The following CAB39 variants were observed in gnomAD, a reference collection of about 807,000 sequenced individuals.
CAB39 encodes the protein calcium-binding protein 39.
Under a neutral mutation model 40.0 loss-of-function variants are expected in CAB39, and 8 were observed. The ratio of observed to expected loss-of-function variants is 0.20; its 90% CI spans 0.12 to 0.36. The LOEUF (loss-of-function observed/expected upper bound fraction) is 0.36. Among genes scored for constraint, CAB39 ranks in the 10% least tolerant of loss-of-function variants. The pLI, the probability that CAB39 is intolerant of heterozygous loss-of-function variation, is 1.00. For synonymous variants in CAB39, 156 were observed against 141.6 expected (o/e 1.10, Z -0.72); for missense variants, 270 against 401.1 (o/e 0.67, Z 2.79).
At chr2:230,773,084 G>A (rs1695516634) in intron 2 of CAB39, among the ~76,000 whole-genome samples, 1 of 151,062 alleles carries the variant, frequency 6.6e-6, no homozygotes, top group African/African-American at 2.4e-5. Context: ...AGAGCACATA[G>A]TATATGATTC....
At chr2:230,790,840 C>A in intron 2 of CAB39, 32 bp from the exon 3 acceptor site, 1 of 1,562,720 alleles carries the variant, frequency 6.4e-7, no homozygotes, top group Non-Finnish European at 8.7e-7. Flanking sequence ...ATTGTTTTTT[C>A]TCCTCTTCCC....
intron 1 of CAB39, among the ~76,000 whole-genome samples, chr2:230,743,684 C>T (rs1694922846): frequency 6.6e-6 from 1 of 152,076 alleles, no homozygotes; most frequent in Non-Finnish European, 1.5e-5. Flanking sequence ...GAAGAGTACT[C>T]GCTTTGATGG....
At position 230,818,644 on chromosome 2, in the gene CAB39, G is replaced by C; in HGVS notation, c.966G>C (p.Glu322Asp). ...DRTEDEQFND[E>D]KTYLVKQIRD... ...CGGAGGATGAGCAGTTTAACGACGA[G>C]AAGACCTATTTAGTTAAACAGATCA... Residue 322 changes from glutamate to aspartate, a missense_variant, in exon 9 of 9, where the codon GAG becomes GAC. Coordinates refer to ENST00000258418, the MANE Select transcript of CAB39 (RefSeq NM_016289.4). 6.2e-7 allele frequency: 1 copy of C among 1,614,138 alleles called. No homozygotes were observed.
intron 6 of CAB39, among the ~76,000 whole-genome samples, chr2:230,811,622 C>T (rs748769025): frequency 6.6e-6 from 1 of 152,180 alleles, no homozygotes; most frequent in Non-Finnish European, 1.5e-5. Context: ...CCTTCATGCA[C>T]CCTCTGTGCC....
intron 1 of CAB39, among the ~76,000 whole-genome samples, chr2:230,753,300 G>A (rs989449973): frequency 1.2e-4 from 19 of 152,006 alleles, no homozygotes; most frequent in African/African-American, 4.6e-4. Flanking sequence ...CACCACTTTG[G>A]GATTCAAGTA....
chr2:230,737,597 C>T (rs1435351724), intron 1 of CAB39, among the ~76,000 whole-genome samples: 1 of 152,130 alleles, frequency 6.6e-6, no homozygotes, highest in Non-Finnish European at 1.5e-5. Context: ...TTTGTTTAGT[C>T]CTCACATTAA....
intron 1 of CAB39, among the ~76,000 whole-genome samples, chr2:230,739,356 G>A (rs1328652107): frequency 6.6e-6 from 1 of 152,178 alleles, no homozygotes; most frequent in Non-Finnish European, 1.5e-5. Flanking sequence ...ATTTGTTAGG[G>A]TATCTGTGAA....
chr2:230,817,797 T>C lies in CAB39; in HGVS notation c.737T>C (p.Met246Thr), dbSNP rs1196616191. ...LLLDRHNFTI[M>T]TKYISKPENL... Reference sequence around the variant, plus strand: ...CTAGATAGACACAACTTCACAATTATGACAAAATACATCAGTAAACCTGAG... The same window carrying C: ...CTAGATAGACACAACTTCACAATTACGACAAAATACATCAGTAAACCTGAG... The change falls in exon 8 of 9, where the codon ATG (methionine) becomes ACG (threonine). Residue 246 changes from methionine to threonine, a missense_variant. Physicochemically the swap from Met to Thr is moderately conservative, Grantham distance 81 (BLOSUM62 -1). Transcript: ENST00000258418. 7 of 1,612,482 alleles carry C rather than the reference T, an allele frequency of 4.3e-6. No individual in the cohort carries two copies. Among genetic ancestry groups the C allele is most frequent in the Non-Finnish European group, 5.9e-6 (7 of 1,178,970 alleles).
In CAB39 at chr2:230,818,345, A is replaced by AT. The variant is rs936807830; in HGVS notation, c.838-162dup. 7.9e-5 allele frequency among the ~76,000 whole-genome samples: 12 copies of AT among 151,800 alleles called. 1 individual carries two copies. In the Middle Eastern group the frequency reaches 0.01, roughly 131 times the overall value. On this transcript the variant is annotated intron_variant, in intron 8 of 8. Transcript: ENST00000258418. ...ATTTGTGTTAAAACATGTAATTATT[A>AT]TTTTTTTTTCCAAATTGTAAAATAA...
At chr2:230,766,423 G>A (rs908124388) in intron 2 of CAB39, among the ~76,000 whole-genome samples, 13 of 152,164 alleles carry the variant, frequency 8.5e-5, no homozygotes, top group African/African-American at 2.7e-4. Flanking sequence ...ACCAGATCTC[G>A]CATGAACTCA....
chr2:230,725,500 C>T (rs1000156576), intron 1 of CAB39: 22 of 1,053,640 alleles, frequency 2.1e-5, no homozygotes, highest in Non-Finnish European at 3.0e-5. Context: ...TTTTAACAGC[C>T]CTTTTTAATA....
rs746303998 is a variant in CAB39 at position 230,759,993 on chromosome 2, G to A, written c.-9G>A. The A allele has an allele frequency of 1.5e-5, 23 of 1,575,832 alleles. 1 individual carries two copies. The highest frequency in any genetic ancestry group is 6.7e-5 in the South Asian group (6 of 90,148). ...GCGGAGTGCAGCGGAGGCCCCTGCC[G>A]CTGCCGTCATGCCGTTCCCGTTTGG... On this transcript the variant is annotated 5_prime_UTR_variant, in exon 2 of 9. Coordinates refer to ENST00000258418, the MANE Select transcript of CAB39 (RefSeq NM_016289.4).
chr2:230,789,409 GTTTTCCGGT>G (rs1341575699), intron 2 of CAB39, among the ~76,000 whole-genome samples: 2 of 152,188 alleles, frequency 1.3e-5, no homozygotes, highest in Middle Eastern at 3.2e-3. Context: ...TATTAGTCGT[GTTTTCCGGT>G]TTTGGTCCTT....
At chr2:230,743,838 T>G (rs1460906345) in intron 1 of CAB39, among the ~76,000 whole-genome samples, 1 of 151,658 alleles carries the variant, frequency 6.6e-6, no homozygotes, top group Non-Finnish European at 1.5e-5. Context: ...AGAAATCAGG[T>G]AAGTATGTGT....
intron 5 of CAB39, among the ~76,000 whole-genome samples, chr2:230,799,402 C>T (rs934376896): frequency 6.6e-6 from 1 of 152,142 alleles, no homozygotes; most frequent in Non-Finnish European, 1.5e-5. Context: ...TGGATCATGT[C>T]GATTAAATGT....
rs534420083 is a variant in CAB39, at chr2:230,786,211, C to T, written c.115-4661C>T. On this transcript the variant is annotated intron_variant, in intron 2 of 8. Coordinates refer to ENST00000258418, the MANE Select transcript of CAB39 (RefSeq NM_016289.4). The stretch of plus-strand genomic sequence containing the variant: ...AAAGAGATGGAGTCTCACCATGTTG[C>T]CCAGGCTGGTCTCAAACTCCTAGGC... 1.3e-4 allele frequency among the ~76,000 whole-genome samples: 20 copies of T among 150,672 alleles called. No individual in the cohort carries two copies. In the East Asian group the frequency reaches 3.9e-3, roughly 29 times the overall value.
At chr2:230,756,791 C>T (rs1033737752) in intron 1 of CAB39, among the ~76,000 whole-genome samples, 2 of 152,080 alleles carry the variant, frequency 1.3e-5, no homozygotes, top group Non-Finnish European at 2.9e-5. Context: ...GTCCCGGGTT[C>T]AAGCCATTCT....
intron 1 of CAB39, among the ~76,000 whole-genome samples, chr2:230,738,354 A>G (rs533039012): frequency 1.3e-5 from 2 of 152,340 alleles, no homozygotes; most frequent in South Asian, 4.1e-4. Flanking sequence ...TTTTCCTCCA[A>G]AAACACAAGC....
intron 5 of CAB39, among the ~76,000 whole-genome samples, chr2:230,805,401 AAAAAAAAAATAC>A (rs1696173632): frequency 6.7e-6 from 1 of 148,954 alleles, no homozygotes; most frequent in Admixed American, 6.7e-5. Context: ...AAGTATAATT[AAAAAAAAAATAC>A]AAAAAAAAAT....
Sources: gnomAD v4.1 joint callset for allele counts (sites outside exome capture counted in the v4.1 genomes callset) on GRCh38, gnomAD v4.1.1 for gene constraint, MANE v1.5 for transcripts, NCBI Gene and HGNC (gene_info 2026-07-23, HGNC 2026-07-21) for gene names.